POTEC: variants seen among roughly 807,000 people sequenced by gnomAD.
POTEC encodes ANKRD26-like family B member 2.
In POTEC, 35 loss-of-function variants were observed where a neutral mutation model predicts 62.0. That is an observed-to-expected ratio of 0.56 (90% CI 0.43 to 0.75). POTEC has a LOEUF of 0.75. Ranked by LOEUF, POTEC falls within the 30% of genes least tolerant of loss-of-function variation. The pLI is 0.00. For synonymous variants in POTEC, 156 were observed against 221.5 expected, an observed-to-expected ratio of 0.70 and a Z score of 2.62; for missense variants, 472 against 655.9, an observed-to-expected ratio of 0.72 and a Z score of 3.06.
chr18:14,527,718 C>G (rs1275210951), intron 6 of POTEC: 4 of 151,694 alleles, frequency 2.6e-5, no homozygotes, highest in African/African-American at 9.7e-5. Context: ...TACAAACAAC[C>G]CTTCCAACTA....
Position 14,520,921 on chromosome 18 carries a change from G to A in POTEC, c.1409+1333C>T, listed in dbSNP as rs559035900. 3.5e-3 allele frequency among the ~76,000 whole-genome samples: 526 copies of A among 152,224 alleles called. 2 individuals carry two copies. The highest frequency in any genetic ancestry group is 6.2e-3 in the Non-Finnish European group (423 of 68,006). ...GCCCAGAAAGTCAAGGCTGCAGTGA[G>A]CTGTGATCACACAATTGCACTCCAG... On this transcript the variant is annotated intron_variant, in intron 9 of 10. Coordinates refer to ENST00000358970, the MANE Select transcript of POTEC (RefSeq NM_001137671.2).
In POTEC at chr18:14,511,038, T is replaced by A. The variant is rs996744508; in HGVS notation, c.*860A>T. 6 of 152,090 alleles carry A rather than the reference T, an allele frequency of 3.9e-5. No individual in the cohort carries two copies. Among genetic ancestry groups the A allele is most frequent in the Non-Finnish European group, 7.4e-5 (5 of 68,018 alleles). 9.4% of individuals were successfully genotyped at this position (152,090 alleles called of 1,614,324 possible). On this transcript the variant is annotated 3_prime_UTR_variant, in exon 11 of 11. Transcript: ENST00000358970. ...CTTAAACAAGAATCTGGCCACGTTT[T>A]CGCAGGGTGGCTGTTCTGTGCTGAG...
intron 1 of POTEC, among the ~76,000 whole-genome samples, chr18:14,539,845 G>A (rs556510965): frequency 5.9e-5 from 9 of 152,204 alleles, no homozygotes; most frequent in African/African-American, 1.7e-4. Context: ...TTGCTCAGGC[G>A]CAGCAGGTAA....
At chr18:14,541,185 G>A in intron 1 of POTEC, among the ~76,000 whole-genome samples, 1 of 152,006 alleles carries the variant, frequency 6.6e-6, no homozygotes. Context: ...CACCATGGCT[G>A]GCCTTTCATT....
chr18:14,542,320 A>G (rs1057389817), intron 1 of POTEC, among the ~76,000 whole-genome samples: 4 of 152,240 alleles, frequency 2.6e-5, no homozygotes, highest in Non-Finnish European at 4.4e-5. Context: ...TGTATAGAAC[A>G]TTGTTTTAAA....
chr18:14,518,669 TC>T (rs943078296), intron 9 of POTEC, among the ~76,000 whole-genome samples: 2 of 144,010 alleles, frequency 1.4e-5, no homozygotes, highest in Non-Finnish European at 3.0e-5. Context: ...TTACCCTTTT[TC>T]CTCTTCTTCT....
chr18:14,524,376 C>T (rs1194911978), intron 7 of POTEC, among the ~76,000 whole-genome samples: 1 of 152,126 alleles, frequency 6.6e-6, no homozygotes, highest in East Asian at 1.9e-4. Context: ...GTATCAGTGA[C>T]TGACAATATA....
intron 9 of POTEC, among the ~76,000 whole-genome samples, chr18:14,515,006 G>C (rs1449190807): frequency 6.6e-6 from 1 of 152,170 alleles, no homozygotes. Context: ...AAGGAGGTGA[G>C]TCATCTATCA....
At chr18:14,520,171 G>A (rs1910274667) in intron 9 of POTEC, among the ~76,000 whole-genome samples, 1 of 152,102 alleles carries the variant, frequency 6.6e-6, no homozygotes, top group African/African-American at 2.4e-5. Flanking sequence ...TCATGGAAAA[G>A]TAATAGACAA....
chr18:14,539,792 A>G (rs148593126), intron 1 of POTEC, among the ~76,000 whole-genome samples: 2,202 of 152,288 alleles, frequency 0.014, 57 homozygotes, highest in African/African-American at 0.051. Flanking sequence ...GAAAAGCTTC[A>G]ATTGAGATTA....
chr18:14,534,781 GTGTTGATACTGATCAC>G (rs1459504430), intron 4 of POTEC, 104 bp downstream of exon 4: 1 of 1,258,928 alleles, frequency 7.9e-7, no homozygotes, highest in Non-Finnish European at 1.1e-6. Flanking sequence ...TAACTGATTT[GTGTTGATACTGATCAC>G]TATGTCCCAA....
chr18:14,525,219 C>T (rs2143134394), intron 6 of POTEC, among the ~76,000 whole-genome samples: 1 of 151,820 alleles, frequency 6.6e-6, no homozygotes, highest in South Asian at 2.1e-4. Flanking sequence ...TGAACAAAAC[C>T]ACCAGAAACA....
At position 14,524,918 on chromosome 18, in the gene POTEC, G is replaced by A. The variant is rs1567912180; in HGVS notation, c.1192C>T (p.Pro398Ser). The A allele has an allele frequency of 6.9e-6, 11 of 1,605,360 alleles. No individual in the cohort carries two copies. Among genetic ancestry groups the A allele is most frequent in the Non-Finnish European group, 9.3e-6 (11 of 1,177,774 alleles). The change falls in exon 7 of 11, where the codon CCA (proline) becomes TCA (serine). Residue 398 changes from proline to serine, a missense_variant. Around this residue, in one of 5 missense-constraint regions of POTEC, gnomAD observed 83 missense variants for 254.3 expected, o/e 0.33. Coordinates refer to ENST00000358970, the MANE Select transcript of POTEC (RefSeq NM_001137671.2). ...AAATTTAAAATTTTCCATGCCTCTG[G>A]CTGGCTATTTTCACTGACTTTAAGC... ...QRLKVSENSQ[P>S]EKMSQEPEIN...
Position 14,516,313 on chromosome 18 carries a change from TATATATATATATATATATATATAC to T in POTEC, c.1410-2552_1410-2529del, listed in dbSNP as rs1567910063. 5.2e-4 allele frequency among the ~76,000 whole-genome samples: 33 copies of T among 63,496 alleles called. 1 individual carries two copies. The highest frequency in any genetic ancestry group is 2.4e-3 in the African/African-American group (32 of 13,446). 41.7% of individuals were successfully genotyped at this position (63,496 alleles called of 152,430 possible). On this transcript the variant is annotated intron_variant, in intron 9 of 10. Coordinates refer to ENST00000358970, the MANE Select transcript of POTEC (RefSeq NM_001137671.2). The stretch of plus-strand genomic sequence containing the variant: ...AAAGAAAATTTTATATATATATATA[TATATATATATATATATATATATAC>T]CTATACCTGAGACTGGGTAATTCAT...
At chr18:14,520,085 C>T (rs1281024234) in intron 9 of POTEC, among the ~76,000 whole-genome samples, 5 of 152,172 alleles carry the variant, frequency 3.3e-5, no homozygotes, top group East Asian at 1.9e-4. Flanking sequence ...AATTTGAGTT[C>T]GTGAGTGTAG....
chr18:14,536,378 T>C (rs1905713783), intron 3 of POTEC, among the ~76,000 whole-genome samples: 1 of 151,134 alleles, frequency 6.6e-6, no homozygotes, highest in African/African-American at 2.4e-5. Flanking sequence ...TAAGCAGGAG[T>C]GTATCCGGAT....
intron 3 of POTEC, among the ~76,000 whole-genome samples, chr18:14,537,225 A>C (rs1286321671): frequency 5.8e-5 from 7 of 119,990 alleles, no homozygotes; most frequent in Admixed American, 2.5e-4. Context: ...AAAAAAAAAA[A>C]CAAAAAAAAA....
At chr18:14,526,631 G>A (rs1159189658) in intron 6 of POTEC, among the ~76,000 whole-genome samples, 3 of 152,042 alleles carry the variant, frequency 2.0e-5, no homozygotes, top group African/African-American at 7.2e-5. Context: ...CAGGAGCGAG[G>A]CCTGAAAGAG....
chr18:14,524,775 T>G, intron 7 of POTEC, 138 bp downstream of exon 7: 2 of 804,116 alleles, frequency 2.5e-6, no homozygotes, highest in South Asian at 6.4e-5. Flanking sequence ...TTAAGAATCT[T>G]ATTAAAAAAT....
Sources: gnomAD v4.1 joint callset for allele counts (sites outside exome capture counted in the v4.1 genomes callset) on GRCh38, gnomAD v4.1.1 for gene constraint, gnomAD v4.1.1 regional missense constraint, MANE v1.5 for transcripts, NCBI Gene and HGNC (gene_info 2026-07-23, HGNC 2026-07-21) for gene names.